Variants in SSBP3 observed in about 807,000 individuals in gnomAD.
SSBP3 encodes the protein single-stranded DNA-binding protein 3.
A neutral mutation model predicts 69.6 loss-of-function variants in SSBP3; 5 were observed. The observed-to-expected ratio is 0.07, with a 90% CI of 0.04 to 0.15. SSBP3 has a LOEUF of 0.15. Among genes scored for constraint, SSBP3 ranks in the 10% least tolerant of loss-of-function variants. The pLI is 1.00. For missense variants in SSBP3, 312 were observed against 534.0 expected (o/e 0.58, Z 4.10); for synonymous variants, 196 against 193.4 (o/e 1.01, Z -0.11).
chr1:54,409,290 G>A (rs1372231720), upstream of SSBP3, among the ~76,000 whole-genome samples: 1 of 152,038 alleles, frequency 6.6e-6, no homozygotes, highest in Non-Finnish European at 1.5e-5. Context: ...CACTCCTGGA[G>A]TGAAACCTGT....
At chr1:54,381,943 A>G (rs560462917) in intron 4 of SSBP3, among the ~76,000 whole-genome samples, 2 of 152,294 alleles carry the variant, frequency 1.3e-5, no homozygotes, top group East Asian at 3.9e-4. Flanking sequence ...CCTGCAATCC[A>G]AGCACTTTGG....
chr1:54,260,139 C>T (rs985846166), intron 5 of SSBP3, among the ~76,000 whole-genome samples: 1 of 152,086 alleles, frequency 6.6e-6, no homozygotes, highest in Non-Finnish European at 1.5e-5. Context: ...TTTTGTACCA[C>T]GTAACTTGGG....
chr1:54,364,596 A>T (rs1647000273), intron 4 of SSBP3, among the ~76,000 whole-genome samples: 1 of 152,230 alleles, frequency 6.6e-6, no homozygotes, highest in Non-Finnish European at 1.5e-5. Context: ...TGCTTGGCTC[A>T]AGCTTAACAT....
chr1:54,328,805 G>C (rs1037588405), intron 4 of SSBP3, among the ~76,000 whole-genome samples: 1 of 152,166 alleles, frequency 6.6e-6, no homozygotes, highest in Non-Finnish European at 1.5e-5. Flanking sequence ...AAGCTGAGAA[G>C]GGGCCACTAC....
upstream of SSBP3, among the ~76,000 whole-genome samples, chr1:54,407,625 T>C (rs1649867016): frequency 1.3e-5 from 2 of 152,038 alleles, no homozygotes; most frequent in Admixed American, 6.6e-5. Flanking sequence ...TCTCTTTAAA[T>C]GTGATAAAAC....
At position 54,337,485 on chromosome 1, in the gene SSBP3, CTTTTTTTTTTTTTTTTT is replaced by C. The variant is rs869039822; in HGVS notation, c.277-55975_277-55959del. 2.3e-4 allele frequency among the ~76,000 whole-genome samples: 12 copies of C among 51,166 alleles called. 1 individual carries two copies. The highest frequency in any genetic ancestry group is 1.1e-3 in the African/African-American group (11 of 10,178). 33.6% of individuals were successfully genotyped at this position (51,166 alleles called of 152,430 possible). On this transcript the variant is annotated intron_variant, in intron 4 of 17. Transcript: ENST00000610401. ...ACCAAAGCATTTTGTTTTCCTCAAG[CTTTTTTTTTTTTTTTTT>C]TTTTTTTTTTTTTGAGATGGAGTCT...
chr1:54,293,258 G>A (rs1645640867), intron 4 of SSBP3, among the ~76,000 whole-genome samples: 1 of 152,052 alleles, frequency 6.6e-6, no homozygotes, highest in Admixed American at 6.5e-5. Context: ...CACACACATC[G>A]CTTAGGATCC....
At chr1:54,230,759 A>G (rs1463952690) in intron 14 of SSBP3, among the ~76,000 whole-genome samples, 1 of 152,158 alleles carries the variant, frequency 6.6e-6, no homozygotes, top group Non-Finnish European at 1.5e-5. Flanking sequence ...TGTCATATAC[A>G]TAGAATCACG....
exon 15 of SSBP3, chr1:54,228,822 G>A (rs1268670679): frequency 8.7e-6 from 14 of 1,611,598 alleles, no homozygotes; most frequent in East Asian, 4.5e-5. Flanking sequence ...GGGACCCATC[G>A]GGAACTGGGG....
intron 4 of SSBP3, among the ~76,000 whole-genome samples, chr1:54,377,447 A>C (rs1647284220): frequency 6.6e-6 from 1 of 152,172 alleles, no homozygotes; most frequent in African/African-American, 2.4e-5. Context: ...CTTCTTCTAG[A>C]TGAGGATACT....
intron 5 of SSBP3, among the ~76,000 whole-genome samples, chr1:54,262,703 T>G (rs1394684091): frequency 6.6e-6 from 1 of 152,224 alleles, no homozygotes; most frequent in Non-Finnish European, 1.5e-5. Flanking sequence ...GGCCACAGCA[T>G]GTAGGCCTGG....
intron 9 of SSBP3, among the ~76,000 whole-genome samples, chr1:54,246,803 A>G (rs1199574557): frequency 6.6e-6 from 1 of 152,258 alleles, no homozygotes; most frequent in African/African-American, 2.4e-5. Context: ...GTCAGGAGCG[A>G]GTAGCAGGCT....
chr1:54,351,703 G>C (rs1646783043), intron 4 of SSBP3, among the ~76,000 whole-genome samples: 1 of 152,220 alleles, frequency 6.6e-6, no homozygotes, highest in Non-Finnish European at 1.5e-5. Flanking sequence ...CAAGCTAGCA[G>C]GGATGAACCT....
chr1:54,307,991 G>A (rs976388944), intron 4 of SSBP3, among the ~76,000 whole-genome samples: 13 of 152,084 alleles, frequency 8.5e-5, no homozygotes, highest in South Asian at 4.2e-4. Context: ...CTGTGAACTC[G>A]CCCTGAATTC....
intron 4 of SSBP3, among the ~76,000 whole-genome samples, chr1:54,293,292 T>TG (rs897940380): frequency 6.6e-5 from 10 of 150,446 alleles, no homozygotes; most frequent in African/African-American, 2.5e-4. Flanking sequence ...GCTAAGGGGG[T>TG]GGGGCCTGGG....
rs1235230019 is a variant in SSBP3 at position 54,251,706 on chromosome 1, G to A, written c.575-14C>T. ...TGTTGGGGTGGCCTGCGTGAGAGAG[G>A]AGGCGCGTCATGGGATGGCAGGAGT... On this transcript the variant is annotated splice_polypyrimidine_tract_variant and intron_variant, in intron 8 of 17. Coordinates refer to ENST00000610401, the Ensembl canonical transcript of SSBP3. 1.3e-6 allele frequency: 2 copies of A among 1,567,600 alleles called. No homozygotes were observed. The highest frequency in any genetic ancestry group is 1.7e-6 in the Non-Finnish European group (2 of 1,154,414).
chr1:54,273,463 T>C lies in SSBP3; in HGVS notation c.366+7975A>G, dbSNP rs953815544. ...TCAGGAGTAACCTTTTGTCCACTGT[T>C]GCTAGGAGCCCCAGTGCCGGTCATC... On this transcript the variant is annotated intron_variant, in intron 5 of 17. Coordinates refer to ENST00000610401, the Ensembl canonical transcript of SSBP3. Among the ~76,000 whole-genome samples, 3 of 152,230 alleles carry C rather than the reference T, an allele frequency of 2.0e-5. No individual in the cohort carries two copies. In the South Asian group the frequency reaches 6.2e-4, roughly 32 times the overall value.
intron 4 of SSBP3, among the ~76,000 whole-genome samples, chr1:54,324,107 G>A (rs1646260399): frequency 6.6e-6 from 1 of 152,202 alleles, no homozygotes; most frequent in East Asian, 1.9e-4. Flanking sequence ...GCGTTCCTGA[G>A]GTTAGTGAGC....
chr1:54,273,396 G>C (rs1057170275), intron 5 of SSBP3, among the ~76,000 whole-genome samples: 2 of 152,192 alleles, frequency 1.3e-5, no homozygotes, highest in African/African-American at 4.8e-5. Flanking sequence ...AAGAGGGAGG[G>C]CGACTGAGCT....
Sources: allele counts gnomAD v4.1 joint callset (sites outside exome capture counted in the v4.1 genomes callset), GRCh38; gene constraint gnomAD v4.1.1; transcripts MANE v1.5; gene names NCBI Gene and HGNC (gene_info 2026-07-23, HGNC 2026-07-21).